The following SGMS2 variants were observed in gnomAD, a reference collection of about 807,000 sequenced individuals.
SGMS2 encodes the protein phosphatidylcholine:ceramide cholinephosphotransferase 2.
In SGMS2, 21 loss-of-function variants were observed where a neutral mutation model predicts 43.8. The ratio of observed to expected loss-of-function variants is 0.48; its 90% CI spans 0.34 to 0.69. SGMS2 has a LOEUF of 0.69. Among genes scored for constraint, SGMS2 ranks in the 30% least tolerant of loss-of-function variants. The pLI, the probability that SGMS2 is intolerant of heterozygous loss-of-function variation, is 0.01. For synonymous variants in SGMS2, 167 were observed against 160.6 expected, an observed-to-expected ratio of 1.04 and a Z score of -0.30; for missense variants, 384 against 443.2, an observed-to-expected ratio of 0.87 and a Z score of 1.20.
At chr4:107,882,123 C>T (rs11944091) in intron 2 of SGMS2, among the ~76,000 whole-genome samples, 12,075 of 152,190 alleles carry the variant, frequency 0.079, 566 homozygotes, top group Middle Eastern at 0.12. Context: ...TGGATATATT[C>T]CCAGCAGTGG....
In SGMS2 at chr4:107,828,776, CAG is replaced by C. The variant is rs564394689; in HGVS notation, c.-327+3526_-327+3527del. Among the ~76,000 whole-genome samples, 367 of 152,298 alleles carry C rather than the reference CAG, an allele frequency of 2.4e-3. 1 individual carries two copies. Among genetic ancestry groups the C allele is most frequent in the Non-Finnish European group, 1.2e-3 (84 of 68,020 alleles). On this transcript the variant is annotated intron_variant, in intron 1 of 6. Coordinates refer to ENST00000690982, the MANE Select transcript of SGMS2 (RefSeq NM_001375905.1). ...TCCCTGTCTCTTTAATTTAAAATTTCAGAGTCTTAATTTCTGCGTTCCTTTAG... is the reference window on the plus strand; with the variant it reads ...TCCCTGTCTCTTTAATTTAAAATTTCAGTCTTAATTTCTGCGTTCCTTTAG...
intron 2 of SGMS2, among the ~76,000 whole-genome samples, chr4:107,868,361 T>G (rs1180505837): frequency 6.6e-6 from 1 of 152,214 alleles, no homozygotes; most frequent in African/African-American, 2.4e-5. Context: ...AAAGAAAGTG[T>G]GTATTTAGGC....
In SGMS2 at chr4:107,911,626, G is replaced by C. The variant is rs1477896575; in HGVS notation, c.*1073G>C. 1 of 152,194 alleles carries C rather than the reference G, an allele frequency of 6.6e-6. No homozygotes were observed. Among genetic ancestry groups the C allele is most frequent in the East Asian group, 1.9e-4 (1 of 5,204 alleles). The allele number at this position is 152,194 out of a possible 1,614,324, so 9.4% of individuals were successfully genotyped here. ...TAATGTATCCTTGCTTTTAGCAAGAGACTCAGTTTCTTATAACTAGTCCTA... is the reference window on the plus strand; with the variant it reads ...TAATGTATCCTTGCTTTTAGCAAGACACTCAGTTTCTTATAACTAGTCCTA... On this transcript the variant is annotated 3_prime_UTR_variant, in exon 7 of 7. Transcript: ENST00000690982.
chr4:107,841,551 C>T (rs149122615), intron 1 of SGMS2, among the ~76,000 whole-genome samples: 3 of 152,112 alleles, frequency 2.0e-5, no homozygotes, highest in African/African-American at 7.2e-5. Flanking sequence ...ACTTTAAGTC[C>T]CTTGAAGTAG....
At chr4:107,826,102 A>C (rs1725574674) in intron 1 of SGMS2, among the ~76,000 whole-genome samples, 1 of 152,220 alleles carries the variant, frequency 6.6e-6, no homozygotes, top group Admixed American at 6.5e-5. Flanking sequence ...CTGAACCAGT[A>C]AAATGGGATT....
rs187140334 is a variant in SGMS2 at position 107,879,828 on chromosome 4, A to G, written c.-244-15482A>G. Among the ~76,000 whole-genome samples the G allele has an allele frequency of 1.1e-4, 14 of 132,160 alleles. 1 individual carries two copies. Among genetic ancestry groups the G allele is most frequent in the Admixed American group, 1.0e-3 (12 of 11,800 alleles). 86.7% of individuals were successfully genotyped at this position (132,160 alleles called of 152,430 possible). On this transcript the variant is annotated intron_variant, in intron 2 of 6. Coordinates refer to ENST00000690982, the MANE Select transcript of SGMS2 (RefSeq NM_001375905.1). Reference sequence around the variant, plus strand: ...CATAAAATTAAATTGTTTTAAGGGTAAAATGAAATGATTTTTAATAAACTT... The same window carrying G: ...CATAAAATTAAATTGTTTTAAGGGTGAAATGAAATGATTTTTAATAAACTT...
chr4:107,897,190 C>T (rs1192374662), intron 3 of SGMS2, among the ~76,000 whole-genome samples: 1 of 152,104 alleles, frequency 6.6e-6, no homozygotes, highest in Non-Finnish European at 1.5e-5. Context: ...TAAAGAGTTC[C>T]CCAAATGCAA....
In SGMS2 at chr4:107,910,735, G is replaced by A. The variant is rs983290426; in HGVS notation, c.*182G>A. 5 of 593,984 alleles carry A rather than the reference G, an allele frequency of 8.4e-6. No individual in the cohort carries two copies. Among genetic ancestry groups the A allele is most frequent in the Admixed American group, 3.1e-5 (1 of 31,820 alleles). 36.8% of individuals were successfully genotyped at this position (593,984 alleles called of 1,614,324 possible). On this transcript the variant is annotated 3_prime_UTR_variant, in exon 7 of 7. Transcript: ENST00000690982. ...TGACTGGTTTTCTTCTTCATCCTGA[G>A]AAAGATACATTCTCTTGCAGCTCTT... is the stretch of plus-strand genomic sequence containing the variant.
chr4:107,890,861 G>A (rs1268862214), intron 2 of SGMS2, among the ~76,000 whole-genome samples: 2 of 151,692 alleles, frequency 1.3e-5, no homozygotes, highest in South Asian at 2.1e-4. Flanking sequence ...CATATTTCAC[G>A]AACTAGGACA....
intron 4 of SGMS2, among the ~76,000 whole-genome samples, chr4:107,901,122 A>G (rs1274306481): frequency 6.6e-6 from 1 of 152,192 alleles, no homozygotes; most frequent in African/African-American, 2.4e-5. Flanking sequence ...AATCTTTGGA[A>G]GCCACATCAG....
intron 1 of SGMS2, among the ~76,000 whole-genome samples, chr4:107,856,151 A>G (rs1727416134): frequency 6.6e-6 from 1 of 152,208 alleles, no homozygotes; most frequent in African/African-American, 2.4e-5. Context: ...GTGATTCTAC[A>G]TTAATCATCT....
chr4:107,845,321 G>A (rs889863230), intron 1 of SGMS2, among the ~76,000 whole-genome samples: 24 of 152,186 alleles, frequency 1.6e-4, no homozygotes, highest in African/African-American at 3.9e-4. Context: ...ATATGTTGCA[G>A]GAGTAGTAAA....
chr4:107,830,555 T>G (rs1725835310), intron 1 of SGMS2, among the ~76,000 whole-genome samples: 1 of 152,200 alleles, frequency 6.6e-6, no homozygotes, highest in Non-Finnish European at 1.5e-5. Context: ...TTTTTTGACT[T>G]TTTAATAATA....
At chr4:107,862,106 A>G (rs1399613140) in intron 2 of SGMS2, among the ~76,000 whole-genome samples, 1 of 152,178 alleles carries the variant, frequency 6.6e-6, no homozygotes, top group East Asian at 1.9e-4. Flanking sequence ...TTCTAAAACC[A>G]CTTTTCTTTC....
At chr4:107,903,121 A>G (rs1731263698) in intron 4 of SGMS2, 112 bp from the exon 5 acceptor site, 1 of 1,066,030 alleles carries the variant, frequency 9.4e-7, no homozygotes, top group Non-Finnish European at 1.4e-6. Context: ...TTCTAGGTTA[A>G]AAAGAAAAAA....
chr4:107,899,723 A>C (rs1560670968), intron 4 of SGMS2, 31 bp downstream of exon 4: 1 of 1,471,514 alleles, frequency 6.8e-7, no homozygotes, highest in Non-Finnish European at 9.5e-7. Context: ...ACTTAGAAGA[A>C]ATCAGGCAAA....
At chr4:107,904,573 G>C (rs1051623969) in intron 5 of SGMS2, among the ~76,000 whole-genome samples, 4 of 152,194 alleles carry the variant, frequency 2.6e-5, no homozygotes, top group Non-Finnish European at 5.9e-5. Context: ...GCGTCTTTTT[G>C]TTGCTTCCTT....
chr4:107,826,214 C>G (rs939502710), intron 1 of SGMS2, among the ~76,000 whole-genome samples: 3 of 152,208 alleles, frequency 2.0e-5, no homozygotes, highest in Non-Finnish European at 4.4e-5. Context: ...TGGTACAAAG[C>G]AGACCCCAAC....
intron 2 of SGMS2, among the ~76,000 whole-genome samples, chr4:107,877,172 G>A (rs1728970447): frequency 6.6e-6 from 1 of 152,078 alleles, no homozygotes; most frequent in African/African-American, 2.4e-5. Flanking sequence ...AGCTGGCATG[G>A]TGGTGTTCAC....
Sources: allele counts gnomAD v4.1 joint callset (sites outside exome capture counted in the v4.1 genomes callset), GRCh38; gene constraint gnomAD v4.1.1; transcripts MANE v1.5; gene names NCBI Gene and HGNC (gene_info 2026-07-23, HGNC 2026-07-21).